AQR: variants seen among roughly 807,000 people sequenced by gnomAD.
The protein encoded by AQR is RNA helicase aquarius.
Under a neutral mutation model 180.5 loss-of-function variants are expected in AQR, and 61 were observed. That is an observed-to-expected ratio of 0.34 (90% CI 0.28 to 0.42). AQR has a LOEUF of 0.42. Among genes scored for constraint, AQR ranks in the 10% least tolerant of loss-of-function variants. AQR has a pLI of 1.00. For missense variants in AQR, 1,281 were observed against 1,798.3 expected, an observed-to-expected ratio of 0.71 and a Z score of 5.20; for synonymous variants, 551 against 588.8, an observed-to-expected ratio of 0.94 and a Z score of 0.93.
intron 33 of AQR, among the ~76,000 whole-genome samples, chr15:34,862,131 T>C (rs566101920): frequency 2.0e-5 from 3 of 152,252 alleles, no homozygotes; most frequent in African/African-American, 7.2e-5. Context: ...GAAGGGGAGA[T>C]AAGAGGGAGT....
At chr15:34,940,550 G>A (rs2140496709) in intron 8 of AQR, among the ~76,000 whole-genome samples, 1 of 152,074 alleles carries the variant, frequency 6.6e-6, no homozygotes, top group Middle Eastern at 3.4e-3. Flanking sequence ...AAAAAAGAGT[G>A]AAGGAGTAAG....
chr15:34,864,972 A>C (rs540923506), intron 32 of AQR, among the ~76,000 whole-genome samples: 1 of 152,328 alleles, frequency 6.6e-6, no homozygotes, highest in African/African-American at 2.4e-5. Flanking sequence ...AATCTAGCAC[A>C]CTGACAAACA....
chr15:34,969,513 C>G, intron 1 of AQR, 26 bp downstream of exon 1: 2 of 1,613,002 alleles, frequency 1.2e-6, no homozygotes, highest in Non-Finnish European at 1.7e-6. Flanking sequence ...TACCCACTCA[C>G]ACACACCAGA....
chr15:34,859,961 A>C, intron 34 of AQR, 81 bp downstream of exon 34: 1 of 578,840 alleles, frequency 1.7e-6, no homozygotes, highest in Non-Finnish European at 2.7e-6. Context: ...ACAAGGAATT[A>C]GGTACTTTAA....
chr15:34,966,060 C>G (rs548005374), intron 1 of AQR, among the ~76,000 whole-genome samples: 25 of 152,254 alleles, frequency 1.6e-4, no homozygotes, highest in African/African-American at 5.8e-4. Flanking sequence ...CATTGCCCTC[C>G]CTCAAACTCT....
At chr15:34,933,763 C>CT (rs1301528278) in intron 10 of AQR, among the ~76,000 whole-genome samples, 1 of 152,210 alleles carries the variant, frequency 6.6e-6, no homozygotes, top group Non-Finnish European at 1.5e-5. Context: ...ACTTCCTTCT[C>CT]TAAGTGACAC....
intron 7 of AQR, among the ~76,000 whole-genome samples, chr15:34,941,712 GA>G (rs1018115797): frequency 8.6e-5 from 13 of 150,492 alleles, no homozygotes; most frequent in African/African-American, 2.4e-4. Flanking sequence ...TCTAATCAAG[GA>G]AAAAAAAATT....
rs780933655 is a variant in AQR at position 34,882,491 on chromosome 15, T to G, written c.3165+11A>C. The G allele has an allele frequency of 7.4e-7, 1 of 1,353,276 alleles. No individual in the cohort carries two copies. The highest frequency in any genetic ancestry group is 1.7e-5 in the African/African-American group (1 of 58,514). 83.8% of individuals were successfully genotyped at this position (1,353,276 alleles called of 1,614,324 possible). On this transcript the variant is annotated intron_variant, in intron 27 of 34. Transcript: ENST00000156471. ...AAAAAAAAAAAAAAAAAAACTACCA[T>G]AAGTCTTTACCTTGAAACCTAGCTT...
intron 34 of AQR, among the ~76,000 whole-genome samples, chr15:34,859,349 C>A (rs554410420): frequency 6.6e-6 from 1 of 152,096 alleles, no homozygotes; most frequent in African/African-American, 2.4e-5. Flanking sequence ...ATACTGAGAC[C>A]ACTGTATATC....
chr15:34,874,552 T>C, intron 29 of AQR, 125 bp downstream of exon 29: 1 of 1,160,768 alleles, frequency 8.6e-7, no homozygotes, highest in Non-Finnish European at 1.2e-6. Flanking sequence ...CTTTTGGATT[T>C]ATGGATAGCC....
intron 3 of AQR, 141 bp downstream of exon 3, chr15:34,960,633 A>G (rs1449835874): frequency 1.5e-5 from 7 of 481,974 alleles, no homozygotes; most frequent in East Asian, 5.6e-5. Context: ...TTCAGCACCT[A>G]AAGTTTTTCT....
intron 18 of AQR, among the ~76,000 whole-genome samples, chr15:34,905,423 G>T (rs879747952): frequency 6.6e-6 from 1 of 151,992 alleles, no homozygotes; most frequent in Non-Finnish European, 1.5e-5. Context: ...ATACACATAA[G>T]AAATCAAATA....
chr15:34,904,227 A>C (rs1310182748), intron 19 of AQR, 109 bp downstream of exon 19: 1 of 685,188 alleles, frequency 1.5e-6, no homozygotes, highest in East Asian at 3.3e-5. Flanking sequence ...AAAAGCAGTC[A>C]TTATTTTTTT....
intron 16 of AQR, among the ~76,000 whole-genome samples, chr15:34,913,801 G>C (rs1282655650): frequency 6.6e-6 from 1 of 152,136 alleles, no homozygotes; most frequent in Non-Finnish European, 1.5e-5. Context: ...GCAAACAATG[G>C]GCAACAATTT....
Position 34,857,028 on chromosome 15 carries a change from C to G in AQR, c.4222G>C (p.Glu1408Gln). Residue 1408 changes from glutamate (E) to glutamine (Q), a missense_variant, in exon 35 of 35, where the codon GAA (glutamate) becomes CAA (glutamine). Coordinates refer to ENST00000156471, the MANE Select transcript of AQR (RefSeq NM_014691.3). ...TCAGCTTGAACAGTCATGGCCTCTT[C>G]TTCTGTTTCCAATTCTGTTTCTTGA... ...QNQETELETE[E>Q]EAMTVQADII... 1 of 1,613,584 alleles carries G rather than the reference C, an allele frequency of 6.2e-7. No individual in the cohort carries two copies. Among genetic ancestry groups the G allele is most frequent in the Non-Finnish European group, 8.5e-7 (1 of 1,179,736 alleles).
intron 3 of AQR, 85 bp downstream of exon 3, chr15:34,960,689 A>T: frequency 1.6e-6 from 1 of 616,844 alleles, no homozygotes; most frequent in Non-Finnish European, 2.8e-6. Flanking sequence ...AAAAGGGTTC[A>T]AGTTATGATC....
At position 34,857,995 on chromosome 15, in the gene AQR, A is replaced by G. The variant is rs1057339373; in HGVS notation, c.4144-889T>C. On this transcript the variant is annotated intron_variant, in intron 34 of 34. Coordinates refer to ENST00000156471, the MANE Select transcript of AQR (RefSeq NM_014691.3). ...AATGAATTGATTGATCGATTGATTG[A>G]TTGACTGAGACAGAGTCCCACTCTG... Among the ~76,000 whole-genome samples the G allele has an allele frequency of 3.9e-5, 6 of 151,976 alleles. No homozygotes were observed. The South Asian group carries it at 1.0e-3, about 26-fold the overall frequency.
intron 20 of AQR, among the ~76,000 whole-genome samples, chr15:34,898,895 C>T (rs1356327997): frequency 3.6e-5 from 5 of 138,238 alleles, no homozygotes; most frequent in Admixed American, 3.0e-4. Flanking sequence ...TGGCCGGGCG[C>T]GGTGGCTCAC....
chr15:34,969,506 C>G (rs766031995), intron 1 of AQR, 33 bp downstream of exon 1: 2 of 1,612,088 alleles, frequency 1.2e-6, no homozygotes, highest in Non-Finnish European at 1.7e-6. Context: ...ACGTCCATAC[C>G]CACTCACACA....
Sources: gnomAD v4.1 joint callset for allele counts (sites outside exome capture counted in the v4.1 genomes callset) on GRCh38, gnomAD v4.1.1 for gene constraint, MANE v1.5 for transcripts, NCBI Gene and HGNC (gene_info 2026-07-23, HGNC 2026-07-21) for gene names.